Variants in PID1 observed in about 807,000 individuals in gnomAD.
PID1 encodes phosphotyrosine interaction domain containing 1.
In PID1, 10 loss-of-function variants were observed where a neutral mutation model predicts 19.1. That is an observed-to-expected ratio of 0.52 (90% CI 0.32 to 0.89). The LOEUF (loss-of-function observed/expected upper bound fraction) is 0.89. Among genes scored for constraint, PID1 ranks in the 40% least tolerant of loss-of-function variants. The probability of loss-of-function intolerance (pLI) is 0.03; values close to 1 mark genes in which losing one functional copy is unlikely to be tolerated. For synonymous variants in PID1, 130 were observed against 116.0 expected, an observed-to-expected ratio of 1.12 and a Z score of -0.78; for missense variants, 248 against 285.3, an observed-to-expected ratio of 0.87 and a Z score of 0.94.
At chr2:229,151,571 C>CTTT (rs1176333725) in intron 2 of PID1, among the ~76,000 whole-genome samples, 3 of 142,164 alleles carry the variant, frequency 2.1e-5, no homozygotes, top group Non-Finnish European at 4.6e-5. Flanking sequence ...ACTTCTATTT[C>CTTT]TTTTTTTTTT....
chr2:229,088,047 T>C (rs78572848), intron 2 of PID1, among the ~76,000 whole-genome samples: 9,954 of 152,220 alleles, frequency 0.065, 562 homozygotes, highest in Admixed American at 0.18. Context: ...TTGTTCCATG[T>C]GGTCTCTAAG....
chr2:229,075,255 C>A (rs143640337), intron 2 of PID1, among the ~76,000 whole-genome samples: 84 of 152,342 alleles, frequency 5.5e-4, no homozygotes, highest in African/African-American at 1.9e-3. Context: ...GAATGCTTAT[C>A]ATTCTTGCAC....
chr2:229,178,039 A>G (rs1690862615), intron 1 of PID1, among the ~76,000 whole-genome samples: 1 of 152,120 alleles, frequency 6.6e-6, no homozygotes, highest in Admixed American at 6.5e-5. Context: ...AGCAGCTTAC[A>G]GGCCCAAGTC....
intron 1 of PID1, among the ~76,000 whole-genome samples, chr2:229,180,481 A>C (rs1243915875): frequency 1.3e-5 from 2 of 152,202 alleles, no homozygotes; most frequent in Non-Finnish European, 2.9e-5. Context: ...AACCTTCAGC[A>C]TGGTAGTTCT....
chr2:229,122,358 G>A (rs1695541027), intron 2 of PID1, among the ~76,000 whole-genome samples: 2 of 152,126 alleles, frequency 1.3e-5, no homozygotes, highest in Admixed American at 1.3e-4. Flanking sequence ...GTGGGGCTCT[G>A]GTAGGGAAAA....
chr2:229,222,886 CACACACACACACACAT>C (rs1206184906), intron 1 of PID1, among the ~76,000 whole-genome samples: 7 of 122,630 alleles, frequency 5.7e-5, no homozygotes, highest in Non-Finnish European at 8.6e-5. Context: ...CACACACACA[CACACACACACACACAT>C]GTACCCTATT....
chr2:229,250,019 T>C (rs1690109545), intron 1 of PID1, among the ~76,000 whole-genome samples: 1 of 152,234 alleles, frequency 6.6e-6, no homozygotes, highest in African/African-American at 2.4e-5. Context: ...AGCAACTCCT[T>C]AGCATCCGAT....
intron 1 of PID1, among the ~76,000 whole-genome samples, chr2:229,161,289 TAGAC>T (rs1332113136): frequency 1.1e-4 from 17 of 152,102 alleles, no homozygotes; most frequent in African/African-American, 3.4e-4. Flanking sequence ...AAGACAGAGA[TAGAC>T]AGAGAAATTT....
chr2:229,233,157 C>A (rs1347120726), intron 1 of PID1, among the ~76,000 whole-genome samples: 1 of 152,004 alleles, frequency 6.6e-6, no homozygotes, highest in African/African-American at 2.4e-5. Flanking sequence ...TAAATAAGAT[C>A]TTTGTTAGAA....
At chr2:229,210,776 T>G (rs1691715787) in intron 1 of PID1, among the ~76,000 whole-genome samples, 1 of 152,084 alleles carries the variant, frequency 6.6e-6, no homozygotes, top group Non-Finnish European at 1.5e-5. Context: ...GCTCCATCCT[T>G]CCAGGCAAGC....
intron 2 of PID1, among the ~76,000 whole-genome samples, chr2:229,126,122 C>T (rs767339568): frequency 3.3e-5 from 5 of 152,108 alleles, no homozygotes; most frequent in Non-Finnish European, 7.4e-5. Context: ...CAGAAAGAGC[C>T]ACACCACTTG....
intron 1 of PID1, among the ~76,000 whole-genome samples, chr2:229,181,474 G>A (rs536087503): frequency 2.0e-5 from 3 of 151,876 alleles, no homozygotes; most frequent in South Asian, 2.1e-4. Flanking sequence ...GAGAATCAAC[G>A]GCAAGATCAA....
chr2:229,042,215 T>C (rs796979034), intron 2 of PID1, among the ~76,000 whole-genome samples: 7 of 152,058 alleles, frequency 4.6e-5, no homozygotes, highest in African/African-American at 1.4e-4. Flanking sequence ...AGAATATAAA[T>C]GATAAAGTAA....
At chr2:229,156,207 C>T (rs1025433160) in intron 1 of PID1, among the ~76,000 whole-genome samples, 2 of 152,168 alleles carry the variant, frequency 1.3e-5, no homozygotes, top group African/African-American at 4.8e-5. Context: ...GGTAAAGTCA[C>T]CTCACCCAGG....
chr2:229,053,943 G>A (rs1044593252), intron 2 of PID1, among the ~76,000 whole-genome samples: 3 of 152,158 alleles, frequency 2.0e-5, no homozygotes, highest in Non-Finnish European at 4.4e-5. Flanking sequence ...ACAACTTTAA[G>A]AAATGAAAAT....
rs186878331 is a variant in PID1, at chr2:229,187,998, C to T, written c.31-32034G>A. ...CACTGTGTCACTGAGAATATGTTTA[C>T]CCTTCACATTCTTATCCCTACTTAT... On this transcript the variant is annotated intron_variant, in intron 1 of 2. Coordinates refer to ENST00000392055, the MANE Select transcript of PID1 (RefSeq NM_001100818.2). Among the ~76,000 whole-genome samples the T allele has an allele frequency of 2.0e-3, 307 of 152,282 alleles. 2 individuals are homozygous for T. Among genetic ancestry groups the T allele is most frequent in the African/African-American group, 7.1e-3 (297 of 41,542 alleles).
At chr2:229,083,293 G>A (rs1387439749) in intron 2 of PID1, among the ~76,000 whole-genome samples, 2 of 152,086 alleles carry the variant, frequency 1.3e-5, no homozygotes, top group Non-Finnish European at 2.9e-5. Context: ...ACCAAGTAAT[G>A]GACTGCCCAG....
chr2:229,241,818 A>G (rs1489526394), intron 1 of PID1, among the ~76,000 whole-genome samples: 1 of 152,078 alleles, frequency 6.6e-6, no homozygotes, highest in African/African-American at 2.4e-5. Context: ...ACCTTTTTTC[A>G]AAACTCACAT....
intron 2 of PID1, among the ~76,000 whole-genome samples, chr2:229,091,588 A>G (rs1258553994): frequency 6.6e-6 from 1 of 151,892 alleles, no homozygotes; most frequent in Admixed American, 6.6e-5. Context: ...GAGATCCCCC[A>G]CTCCTTCTGT....
Sources: allele counts gnomAD v4.1 joint callset (sites outside exome capture counted in the v4.1 genomes callset), GRCh38; gene constraint gnomAD v4.1.1; transcripts MANE v1.5; gene names NCBI Gene and HGNC (gene_info 2026-07-23, HGNC 2026-07-21).